RYR2: variants seen among roughly 807,000 people sequenced by gnomAD.
RYR2 encodes ryanodine receptor 2.
A neutral mutation model predicts 601.1 loss-of-function variants in RYR2; 227 were observed. That is an observed-to-expected ratio of 0.38 (90% CI 0.34 to 0.42). The LOEUF (loss-of-function observed/expected upper bound fraction) is 0.42. RYR2 is among the 10% of genes least tolerant of loss of function. The pLI is 1.00. For missense variants in RYR2, 4,646 were observed against 6,156.5 expected, an observed-to-expected ratio of 0.75 and a Z score of 8.21; for synonymous variants, 2,223 against 2,175.1, an observed-to-expected ratio of 1.02 and a Z score of -0.61.
chr1:237,592,884 C>T (rs970312558), intron 32 of RYR2, among the ~76,000 whole-genome samples: 5 of 147,972 alleles, frequency 3.4e-5, no homozygotes, highest in African/African-American at 1.0e-4. Flanking sequence ...AACTGGGTGT[C>T]GTTGTGCACA....
chr1:237,460,179 T>C (rs1405540778), intron 16 of RYR2, among the ~76,000 whole-genome samples: 1 of 152,228 alleles, frequency 6.6e-6, no homozygotes, highest in African/African-American at 2.4e-5. Context: ...CTGCATACTT[T>C]CTTTCTGACA....
At chr1:237,364,484 G>C in intron 5 of RYR2, 112 bp downstream of exon 5, 1 of 456,954 alleles carries the variant, frequency 2.2e-6, no homozygotes, top group South Asian at 5.8e-5. Context: ...ATATATGACA[G>C]ATATATATAT....
chr1:237,454,914 C>T (rs1658624292), intron 15 of RYR2, among the ~76,000 whole-genome samples: 1 of 152,126 alleles, frequency 6.6e-6, no homozygotes. Context: ...TGTACGAATA[C>T]AGGCTTTAGA....
chr1:237,571,545 C>T (rs1005500313), intron 29 of RYR2, among the ~76,000 whole-genome samples: 3 of 152,106 alleles, frequency 2.0e-5, no homozygotes, highest in Non-Finnish European at 4.4e-5. Context: ...GAACTCCTGA[C>T]CTCAGGTGAT....
At chr1:237,129,288 C>G (rs1032071551) in intron 1 of RYR2, among the ~76,000 whole-genome samples, 4 of 152,164 alleles carry the variant, frequency 2.6e-5, no homozygotes, top group Admixed American at 2.6e-4. Context: ...TATTGATGGA[C>G]TAGGCATTTT....
chr1:237,328,602 T>TAA (rs766457905), intron 2 of RYR2, among the ~76,000 whole-genome samples: 8 of 145,362 alleles, frequency 5.5e-5, no homozygotes, highest in African/African-American at 2.0e-4. Flanking sequence ...AAATTTTATT[T>TAA]AAAAAAAAAA....
intron 2 of RYR2, among the ~76,000 whole-genome samples, chr1:237,275,101 C>A (rs2149362051): frequency 6.6e-6 from 1 of 151,938 alleles, no homozygotes; most frequent in African/African-American, 2.4e-5. Flanking sequence ...CGCACACACA[C>A]ACACACACAC....
intron 38 of RYR2, 124 bp downstream of exon 38, chr1:237,617,610 T>TA: frequency 1.1e-6 from 1 of 909,700 alleles, no homozygotes. Context: ...GTCTTCAAGT[T>TA]GATTTAGTTA....
chr1:237,156,376 C>T (rs751471895), intron 1 of RYR2, among the ~76,000 whole-genome samples: 2 of 152,196 alleles, frequency 1.3e-5, no homozygotes, highest in Admixed American at 6.5e-5. Context: ...AAGAAAGTCT[C>T]AGACTCAAAC....
chr1:237,469,279 A>AC, intron 17 of RYR2, 92 bp downstream of exon 17: 1 of 704,860 alleles, frequency 1.4e-6, no homozygotes, highest in South Asian at 2.1e-5. Flanking sequence ...AAAAAAAAAA[A>AC]CAACTTTGAG....
intron 24 of RYR2, 64 bp downstream of exon 24, chr1:237,511,855 A>AC (rs1161220973): frequency 8.2e-6 from 8 of 980,148 alleles, no homozygotes; most frequent in South Asian, 1.8e-5. Context: ...AAAAAAAAAA[A>AC]AAAACAGGTA....
chr1:237,638,923 C>A, intron 45 of RYR2, 92 bp from the exon 46 acceptor site: 2 of 1,416,680 alleles, frequency 1.4e-6, no homozygotes, highest in Non-Finnish European at 1.9e-6. Context: ...TTTAGTTATT[C>A]TTATACATAG....
At chr1:237,438,401 A>T (rs2150133972) in intron 12 of RYR2, among the ~76,000 whole-genome samples, 1 of 152,274 alleles carries the variant, frequency 6.6e-6, no homozygotes, top group South Asian at 2.1e-4. Context: ...ATTGGGAATG[A>T]TATGTAGTAG....
chr1:237,746,755 C>G (rs369503721), intron 80 of RYR2, among the ~76,000 whole-genome samples: 1 of 151,882 alleles, frequency 6.6e-6, no homozygotes, highest in African/African-American at 2.4e-5. Flanking sequence ...TATAAAGAGG[C>G]CGATGTTAAT....
At chr1:237,213,369 G>A (rs1018254857) in intron 1 of RYR2, among the ~76,000 whole-genome samples, 5 of 151,884 alleles carry the variant, frequency 3.3e-5, no homozygotes, top group East Asian at 1.9e-4. Context: ...GTATAAATGC[G>A]ATCTCCCTCT....
At chr1:237,286,431 T>G (rs1008250641) in intron 2 of RYR2, among the ~76,000 whole-genome samples, 2 of 151,686 alleles carry the variant, frequency 1.3e-5, no homozygotes, top group Admixed American at 6.6e-5. Context: ...CCTTGTTTTA[T>G]GCCCTATCAT....
chr1:237,074,572 C>T (rs1300730260), intron 1 of RYR2, among the ~76,000 whole-genome samples: 1 of 152,172 alleles, frequency 6.6e-6, no homozygotes, highest in Non-Finnish European at 1.5e-5. Context: ...TTCAAATGTT[C>T]TGCCACAACC....
chr1:237,806,356 A>C, intron 99 of RYR2, 73 bp downstream of exon 99: 1 of 1,400,328 alleles, frequency 7.1e-7, no homozygotes, highest in Non-Finnish European at 9.9e-7. Context: ...AAATAAAACT[A>C]CCCCTCAAAT....
At chr1:237,810,555 G>A (rs1055292926) in intron 100 of RYR2, among the ~76,000 whole-genome samples, 5 of 152,160 alleles carry the variant, frequency 3.3e-5, no homozygotes, top group African/African-American at 1.2e-4. Context: ...GAGAAGTTTT[G>A]TGACACCTAT....
Sources: gnomAD v4.1 joint callset for allele counts (sites outside exome capture counted in the v4.1 genomes callset) on GRCh38, gnomAD v4.1.1 for gene constraint, MANE v1.5 for transcripts, NCBI Gene and HGNC (gene_info 2026-07-23, HGNC 2026-07-21) for gene names.